DDX10: variants seen among roughly 807,000 people sequenced by gnomAD.
DDX10 encodes the protein DEAD-box helicase 10.
In DDX10, 74 loss-of-function variants were observed where a neutral mutation model predicts 104.3. The observed-to-expected ratio is 0.71, with a 90% confidence interval of 0.59 to 0.86. The LOEUF (loss-of-function observed/expected upper bound fraction) is 0.86, where lower values mean the gene tolerates loss of function less well. Ranked by LOEUF, DDX10 falls within the 40% of genes least tolerant of loss-of-function variation. The probability of loss-of-function intolerance (pLI) is 0.00; values close to 1 mark genes in which losing one functional copy is unlikely to be tolerated. For synonymous variants in DDX10, 351 were observed against 353.4 expected (o/e 0.99, Z 0.08); for missense variants, 952 against 1,040.0 (o/e 0.92, Z 1.16).
chr11:108,791,297 C>T (rs1280319866), intron 13 of DDX10, among the ~76,000 whole-genome samples: 1 of 152,228 alleles, frequency 6.6e-6, no homozygotes, highest in Admixed American at 6.5e-5. Flanking sequence ...GTGGATCCTT[C>T]AGTTTCCCTG....
At chr11:108,724,510 C>G (rs1418578629) in intron 13 of DDX10, among the ~76,000 whole-genome samples, 2 of 152,092 alleles carry the variant, frequency 1.3e-5, no homozygotes, top group Non-Finnish European at 2.9e-5. Context: ...GGTGTTCTGA[C>G]TTTAATATTT....
At chr11:108,882,788 T>C (rs1203322778) in intron 16 of DDX10, among the ~76,000 whole-genome samples, 2 of 152,220 alleles carry the variant, frequency 1.3e-5, no homozygotes, top group African/African-American at 4.8e-5. Context: ...AAAAATGCTC[T>C]TGGAAGAAAG....
chr11:108,723,444 A>G lies in DDX10; in HGVS notation c.1947A>G (p.Lys649=), dbSNP rs2094301304. 8 of 1,611,794 alleles carry G rather than the reference A, an allele frequency of 5.0e-6. No homozygotes were observed. Among genetic ancestry groups the G allele is most frequent in the Non-Finnish European group, 6.8e-6 (8 of 1,179,060 alleles). ...ATAATGTGTTTGGATTGGACCTTAA[A>G]GACGAGAAAACATTACAGGTAAGTT... ...KRHNVFGLDL[K]DEKTLQKKEP... Residue 649 remains lysine (K), a synonymous_variant, in exon 13 of 18, where the codon AAA becomes AAG. Transcript: ENST00000322536.
chr11:108,898,587 GAA>G (rs1278698430), intron 16 of DDX10, among the ~76,000 whole-genome samples: 1 of 147,764 alleles, frequency 6.8e-6, no homozygotes, highest in African/African-American at 2.5e-5. Context: ...TATTCATGTT[GAA>G]AATACACCAG....
At chr11:108,714,529 T>C (rs868721528) in intron 10 of DDX10, among the ~76,000 whole-genome samples, 2 of 3,032 alleles carry the variant, frequency 6.6e-4, no homozygotes. Flanking sequence ...AGTCTGACTC[T>C]TTTTTTTTTT....
At chr11:108,779,459 T>C (rs1267621421) in intron 13 of DDX10, among the ~76,000 whole-genome samples, 2 of 151,728 alleles carry the variant, frequency 1.3e-5, no homozygotes, top group Non-Finnish European at 2.9e-5. Context: ...CACCACATGT[T>C]CTCACTCATA....
At chr11:108,798,102 C>A (rs1265902093) in intron 13 of DDX10, among the ~76,000 whole-genome samples, 1 of 152,220 alleles carries the variant, frequency 6.6e-6, no homozygotes, top group Non-Finnish European at 1.5e-5. Flanking sequence ...ACACAGTAAT[C>A]TTCCTTAATC....
intron 3 of DDX10, 124 bp downstream of exon 3, chr11:108,675,850 A>C (rs7929609): frequency 0.012 from 15,400 of 1,269,570 alleles, 524 homozygotes; most frequent in African/African-American, 0.11. Context: ...CTAGAATGCG[A>C]GCTTCATCAA....
intron 13 of DDX10, among the ~76,000 whole-genome samples, chr11:108,786,017 C>T (rs1390913498): frequency 6.6e-6 from 1 of 152,034 alleles, no homozygotes; most frequent in African/African-American, 2.4e-5. Flanking sequence ...CTTTAGCTGC[C>T]TCCCAAAGAT....
intron 13 of DDX10, among the ~76,000 whole-genome samples, chr11:108,733,828 A>T (rs1246285341): frequency 1.3e-5 from 2 of 151,936 alleles, no homozygotes; most frequent in African/African-American, 4.8e-5. Context: ...TGGTCAAATT[A>T]GTATTTTTTT....
At chr11:108,915,922 C>A (rs1863742102) in intron 16 of DDX10, among the ~76,000 whole-genome samples, 1 of 143,820 alleles carries the variant, frequency 7.0e-6, no homozygotes, top group Non-Finnish European at 1.5e-5. Flanking sequence ...TCACTTAACC[C>A]AGACATTAAA....
intron 13 of DDX10, among the ~76,000 whole-genome samples, chr11:108,827,965 T>G (rs1180600566): frequency 6.6e-6 from 1 of 152,222 alleles, no homozygotes; most frequent in African/African-American, 2.4e-5. Context: ...TTTTAAAATG[T>G]GCAGTTCAGT....
At chr11:108,830,387 C>G (rs1389702194) in intron 13 of DDX10, among the ~76,000 whole-genome samples, 3 of 152,114 alleles carry the variant, frequency 2.0e-5, no homozygotes, top group Non-Finnish European at 4.4e-5. Context: ...AGCAGTGCTA[C>G]TTTAATTTTG....
intron 13 of DDX10, among the ~76,000 whole-genome samples, chr11:108,740,219 G>C (rs1229730609): frequency 6.6e-6 from 1 of 152,096 alleles, no homozygotes; most frequent in African/African-American, 2.4e-5. Flanking sequence ...GCACTTATAA[G>C]TGAGAACATG....
intron 13 of DDX10, among the ~76,000 whole-genome samples, chr11:108,796,406 C>T (rs1051366486): frequency 6.6e-6 from 1 of 152,136 alleles, no homozygotes; most frequent in African/African-American, 2.4e-5. Context: ...TATTATTTTT[C>T]TTCCACTGAG....
intron 17 of DDX10, among the ~76,000 whole-genome samples, chr11:108,925,336 A>G (rs1187912259): frequency 6.6e-6 from 1 of 152,138 alleles, no homozygotes; most frequent in Non-Finnish European, 1.5e-5. Context: ...TTTCTACTCT[A>G]TCATTTAGTC....
At chr11:108,675,846 T>C in intron 3 of DDX10, 120 bp downstream of exon 3, 1 of 1,313,910 alleles carries the variant, frequency 7.6e-7, no homozygotes, top group South Asian at 1.4e-5. Flanking sequence ...TTGGCTAGAA[T>C]GCGAGCTTCA....
intron 16 of DDX10, among the ~76,000 whole-genome samples, chr11:108,852,712 A>T (rs764564499): frequency 6.6e-6 from 1 of 152,220 alleles, no homozygotes; most frequent in Non-Finnish European, 1.5e-5. Context: ...CAGCAAATAC[A>T]TATGTACAGT....
chr11:108,925,796 A>G (rs1863900458), intron 17 of DDX10, among the ~76,000 whole-genome samples: 1 of 152,176 alleles, frequency 6.6e-6, no homozygotes. Context: ...TTTTTTAAAG[A>G]TCGTACCCAT....
Sources: gnomAD v4.1 joint callset for allele counts (sites outside exome capture counted in the v4.1 genomes callset) on GRCh38, gnomAD v4.1.1 for gene constraint, MANE v1.5 for transcripts, NCBI Gene and HGNC (gene_info 2026-07-23, HGNC 2026-07-21) for gene names.